XPO6: variants seen among roughly 807,000 people sequenced by gnomAD.
XPO6 encodes the protein exportin-6.
In XPO6, 3 loss-of-function variants were observed where a neutral mutation model predicts 130.0. The observed-to-expected ratio is 0.02, with a 90% CI of 0.01 to 0.06. The LOEUF (loss-of-function observed/expected upper bound fraction) is 0.06, where lower values mean the gene tolerates loss of function less well. XPO6 is among the 10% of genes least tolerant of loss of function. XPO6 has a pLI of 1.00. For missense variants in XPO6, 970 were observed against 1,393.0 expected (o/e 0.70, Z 4.83); for synonymous variants, 524 against 548.9 (o/e 0.95, Z 0.63).
chr16:28,154,255 TAAAA>T (rs11284457), intron 7 of XPO6: 130 of 811,216 alleles, frequency 1.6e-4, no homozygotes, highest in South Asian at 3.2e-4. Flanking sequence ...ACTACCCATT[TAAAA>T]AAAAAAAAAA....
intron 1 of XPO6, among the ~76,000 whole-genome samples, chr16:28,190,466 C>T (rs1252624880): frequency 2.0e-5 from 3 of 152,082 alleles, no homozygotes; most frequent in African/African-American, 4.8e-5. Context: ...CAAGCGATAC[C>T]GCCCACCTCG....
chr16:28,177,420 T>A (rs2043550371), intron 2 of XPO6, 88 bp from the exon 3 acceptor site: 1 of 676,574 alleles, frequency 1.5e-6, no homozygotes, highest in African/African-American at 1.8e-5. Context: ...TTTAAACATG[T>A]CTCTCTGCAT....
chr16:28,164,733 G>C (rs1291647737), intron 6 of XPO6, among the ~76,000 whole-genome samples: 1 of 152,202 alleles, frequency 6.6e-6, no homozygotes, highest in Non-Finnish European at 1.5e-5. Flanking sequence ...TCTCTGGTTT[G>C]TATTATCTGA....
At position 28,133,771 on chromosome 16, in the gene XPO6, G is replaced by C. The variant is rs144504634; in HGVS notation, c.1536+70C>G. The stretch of plus-strand genomic sequence containing the variant: ...GAGGGGAGAGAGAGAGAGATCCAGG[G>C]GAGTCAACCAGCCATGCTCTGTGTA... On this transcript the variant is annotated intron_variant, in intron 11 of 23. Transcript: ENST00000304658. The C allele has an allele frequency of 3.6e-4, 518 of 1,422,180 alleles. 2 individuals carry two copies. In the African/African-American group the frequency reaches 6.7e-3, roughly 18 times the overall value. The allele number at this position is 1,422,180 out of a possible 1,614,324, so 88.1% of individuals were successfully genotyped here.
At chr16:28,112,819 A>T (rs1206210837) in intron 16 of XPO6, 85 bp downstream of exon 16, 2 of 1,516,970 alleles carry the variant, frequency 1.3e-6, no homozygotes, top group African/African-American at 1.4e-5. Context: ...TGAGTACAAA[A>T]TCAAAGGCCA....
intron 1 of XPO6, among the ~76,000 whole-genome samples, chr16:28,195,785 C>A (rs541590564): frequency 9.2e-5 from 14 of 152,228 alleles, no homozygotes; most frequent in Admixed American, 8.5e-4. Flanking sequence ...ATGTCAAACA[C>A]TGAGAAAGAG....
intron 11 of XPO6, 125 bp downstream of exon 11, chr16:28,133,716 T>C: frequency 1.2e-6 from 1 of 836,034 alleles, no homozygotes; most frequent in Non-Finnish European, 1.8e-6. Flanking sequence ...TGGTAATTAT[T>C]CTGTTTTTAA....
At position 28,206,139 on chromosome 16, in the gene XPO6, T is replaced by TACACAC. The variant is rs138219018; in HGVS notation, c.3+5221_3+5226dup. On this transcript the variant is annotated intron_variant, in intron 1 of 23. Coordinates refer to ENST00000304658, the MANE Select transcript of XPO6 (RefSeq NM_015171.4). ...AAGATGCCTGGCATATAGAAAGCAA[T>TACACAC]ACACACACACACACACACACACACA... is the stretch of plus-strand genomic sequence containing the variant. 3.4e-3 allele frequency among the ~76,000 whole-genome samples: 480 copies of TACACAC among 142,840 alleles called. 1 individual carries two copies. The highest frequency in any genetic ancestry group is 8.7e-3 in the African/African-American group (342 of 39,470). 93.7% of individuals were successfully genotyped at this position (142,840 alleles called of 152,430 possible).
chr16:28,166,608 G>A (rs138424160), intron 5 of XPO6, 23 bp from the exon 6 acceptor site: 519 of 1,563,516 alleles, frequency 3.3e-4, no homozygotes, highest in East Asian at 2.6e-3. Flanking sequence ...GAGAAACAGA[G>A]TTATAAGAGA....
chr16:28,194,776 C>T (rs1028787127), intron 1 of XPO6, among the ~76,000 whole-genome samples: 2 of 152,002 alleles, frequency 1.3e-5, no homozygotes, highest in South Asian at 2.1e-4. Flanking sequence ...TCACCACTGC[C>T]GCCCAGGGTC....
intron 9 of XPO6, among the ~76,000 whole-genome samples, chr16:28,141,966 A>AGGAGGCAAGGG (rs2042903192): frequency 6.6e-6 from 1 of 152,222 alleles, no homozygotes; most frequent in African/African-American, 2.4e-5. Flanking sequence ...TCCAATTTCC[A>AGGAGGCAAGGG]AGCTCCTAGG....
At chr16:28,208,222 T>TA (rs1190438944) in intron 1 of XPO6, among the ~76,000 whole-genome samples, 1 of 152,234 alleles carries the variant, frequency 6.6e-6, no homozygotes, top group Admixed American at 6.5e-5. Flanking sequence ...TGGTAGTTTT[T>TA]ATCACATTAC....
chr16:28,098,870 G>A (rs2086590858), intron 23 of XPO6, among the ~76,000 whole-genome samples: 2 of 152,182 alleles, frequency 1.3e-5, no homozygotes, highest in Admixed American at 1.3e-4. Flanking sequence ...GCCAGACACT[G>A]CTGCAATCAA....
chr16:28,207,408 C>G (rs1431022215), intron 1 of XPO6, among the ~76,000 whole-genome samples: 1 of 152,194 alleles, frequency 6.6e-6, no homozygotes, highest in Non-Finnish European at 1.5e-5. Flanking sequence ...AATAATTTCT[C>G]AGCAAAGTAG....
At chr16:28,196,314 A>C (rs2141898259) in intron 1 of XPO6, among the ~76,000 whole-genome samples, 1 of 152,318 alleles carries the variant, frequency 6.6e-6, no homozygotes, top group Admixed American at 6.5e-5. Context: ...TTCGGAGATA[A>C]GGAAGGACCA....
At chr16:28,142,849 C>A (rs764607206) in intron 9 of XPO6, among the ~76,000 whole-genome samples, 3 of 152,032 alleles carry the variant, frequency 2.0e-5, no homozygotes. Flanking sequence ...TGGAACTACA[C>A]GTGCACACTA....
intron 23 of XPO6, among the ~76,000 whole-genome samples, chr16:28,100,078 C>G (rs949954619): frequency 1.3e-5 from 2 of 152,128 alleles, no homozygotes; most frequent in African/African-American, 4.8e-5. Context: ...ACCTCTGCCT[C>G]CCGGGTTCAA....
intron 8 of XPO6, among the ~76,000 whole-genome samples, chr16:28,152,167 G>A (rs1214924287): frequency 6.6e-6 from 1 of 152,164 alleles, no homozygotes; most frequent in East Asian, 1.9e-4. Context: ...TGTGAAGGTT[G>A]TATGTCTAAA....
chr16:28,199,239 GACATGTGCCC>G (rs1449706393), intron 1 of XPO6, among the ~76,000 whole-genome samples: 4 of 152,224 alleles, frequency 2.6e-5, no homozygotes, highest in Admixed American at 2.6e-4. Context: ...AGGTCCTGAT[GACATGTGCCC>G]CTAAAATTAA....
Sources: gnomAD v4.1 joint callset for allele counts (sites outside exome capture counted in the v4.1 genomes callset) on GRCh38, gnomAD v4.1.1 for gene constraint, MANE v1.5 for transcripts, NCBI Gene and HGNC (gene_info 2026-07-23, HGNC 2026-07-21) for gene names.